Variants in EYA1 observed in about 807,000 individuals in gnomAD.
The protein encoded by EYA1 is EYA transcriptional coactivator and phosphatase 1.
EYA1 carries 16 observed loss-of-function variants against 82.0 expected under a neutral mutation model. The observed-to-expected ratio is 0.20, with a 90% CI of 0.13 to 0.30. EYA1 has a LOEUF of 0.30. Among genes scored for constraint, EYA1 ranks in the 10% least tolerant of loss-of-function variants. The probability of loss-of-function intolerance (pLI) is 1.00; values close to 1 mark genes in which losing one functional copy is unlikely to be tolerated. For synonymous variants in EYA1, 261 were observed against 264.4 expected, an observed-to-expected ratio of 0.99 and a Z score of 0.12; for missense variants, 633 against 730.7, an observed-to-expected ratio of 0.87 and a Z score of 1.54.
chr8:71,361,247 T>C (rs967059214), intron 1 of EYA1, among the ~76,000 whole-genome samples: 5 of 152,242 alleles, frequency 3.3e-5, no homozygotes, highest in African/African-American at 1.2e-4. Flanking sequence ...TGTATTGCAA[T>C]GAACATATAT....
At chr8:71,369,366 G>T (rs1827959984) in intron 2 of EYA1, among the ~76,000 whole-genome samples, 1 of 152,010 alleles carries the variant, frequency 6.6e-6, no homozygotes, top group Non-Finnish European at 1.5e-5. Context: ...TATAGGCAAG[G>T]GTACTACTCA....
chr8:71,469,473 C>T (rs1024326069), intron 2 of EYA1, among the ~76,000 whole-genome samples: 1 of 152,024 alleles, frequency 6.6e-6, no homozygotes, highest in African/African-American at 2.4e-5. Context: ...ATGCATGTGT[C>T]CTGCTTACCA....
intron 2 of EYA1, among the ~76,000 whole-genome samples, chr8:71,516,642 G>A (rs1812998398): frequency 6.6e-6 from 1 of 152,096 alleles, no homozygotes; most frequent in Admixed American, 6.6e-5. Flanking sequence ...GTTGGCCATT[G>A]CCTATAATGT....
chr8:71,225,767 G>A (rs1221343067), intron 12 of EYA1, among the ~76,000 whole-genome samples: 2 of 152,118 alleles, frequency 1.3e-5, no homozygotes, highest in African/African-American at 4.8e-5. Context: ...ATCTATTTTC[G>A]AGAGGTGGCA....
chr8:71,293,416 C>T (rs1208995983), intron 9 of EYA1, among the ~76,000 whole-genome samples: 1 of 152,010 alleles, frequency 6.6e-6, no homozygotes, highest in Non-Finnish European at 1.5e-5. Context: ...GCAGAGGGAA[C>T]ATTTTGTAAT....
chr8:71,511,492 T>G (rs1027315033), intron 2 of EYA1, among the ~76,000 whole-genome samples: 2 of 152,166 alleles, frequency 1.3e-5, no homozygotes, highest in African/African-American at 4.8e-5. Context: ...AGGTTTTTTG[T>G]TTAGTTTTGT....
At chr8:71,302,575 G>GAA in intron 7 of EYA1, among the ~76,000 whole-genome samples, 10 of 101,200 alleles carry the variant, frequency 9.9e-5, no homozygotes, top group African/African-American at 2.9e-4. Flanking sequence ...AGTGGCTTTG[G>GAA]AGACTTAATG....
chr8:71,534,928 T>C (rs1254420986), intron 2 of EYA1, among the ~76,000 whole-genome samples: 1 of 149,630 alleles, frequency 6.7e-6, no homozygotes, highest in Non-Finnish European at 1.5e-5. Context: ...AAAAGAATTC[T>C]ACTGTGAATA....
chr8:71,466,176 A>T (rs997354585), intron 2 of EYA1, among the ~76,000 whole-genome samples: 1 of 152,208 alleles, frequency 6.6e-6, no homozygotes, highest in Non-Finnish European at 1.5e-5. Flanking sequence ...GGCCTCAGAA[A>T]TATGACTAAA....
chr8:71,519,666 C>CA (rs71956106), intron 2 of EYA1, among the ~76,000 whole-genome samples: 3,748 of 126,144 alleles, frequency 0.03, 134 homozygotes, highest in African/African-American at 0.094. Flanking sequence ...TTGAAAATGG[C>CA]AAAAAAAAAA....
chr8:71,411,486 C>G (rs1830584495), intron 2 of EYA1, among the ~76,000 whole-genome samples: 1 of 112,826 alleles, frequency 8.9e-6, no homozygotes, highest in South Asian at 3.0e-4. Context: ...ACTCATCTGA[C>G]AAAGGGCTAA....
chr8:71,453,678 T>A (rs1224475380), intron 2 of EYA1, among the ~76,000 whole-genome samples: 1 of 152,104 alleles, frequency 6.6e-6, no homozygotes, highest in African/African-American at 2.4e-5. Context: ...CTAAGCTTCA[T>A]AAGTGAAGGA....
At chr8:71,265,171 T>G (rs1057170647) in intron 11 of EYA1, among the ~76,000 whole-genome samples, 4 of 152,146 alleles carry the variant, frequency 2.6e-5, no homozygotes, top group Admixed American at 1.3e-4. Context: ...TGTTTTGTTT[T>G]TTTTTGATAG....
chr8:71,343,598 C>T (rs1825394544), intron 3 of EYA1, among the ~76,000 whole-genome samples: 1 of 152,082 alleles, frequency 6.6e-6, no homozygotes, highest in African/African-American at 2.4e-5. Context: ...ATAGAGAGTC[C>T]CCACTAGCAA....
chr8:71,466,019 G>A (rs35836144), intron 2 of EYA1, among the ~76,000 whole-genome samples: 27,698 of 152,062 alleles, frequency 0.18, 2,658 homozygotes, highest in African/African-American at 0.21. Context: ...TGCCCTAGAT[G>A]GGCAACTGAA....
intron 2 of EYA1, among the ~76,000 whole-genome samples, chr8:71,387,731 A>G (rs1829045179): frequency 6.6e-6 from 1 of 152,122 alleles, no homozygotes; most frequent in African/African-American, 2.4e-5. Flanking sequence ...AGATACTCTA[A>G]GTTTGAGGTA....
At chr8:71,264,191 T>C (rs1357372594) in intron 11 of EYA1, among the ~76,000 whole-genome samples, 1 of 152,220 alleles carries the variant, frequency 6.6e-6, no homozygotes, top group Non-Finnish European at 1.5e-5. Flanking sequence ...TCTGGTGCCA[T>C]GCTAAGAGTT....
intron 16 of EYA1, among the ~76,000 whole-genome samples, chr8:71,214,582 A>G (rs1202145943): frequency 6.6e-6 from 1 of 152,228 alleles, no homozygotes; most frequent in Non-Finnish European, 1.5e-5. Context: ...GGACCTTGGA[A>G]TCAGAGAAAC....
chr8:71,438,937 G>C (rs530063145), intron 2 of EYA1, among the ~76,000 whole-genome samples: 4 of 152,056 alleles, frequency 2.6e-5, no homozygotes, highest in African/African-American at 9.7e-5. Flanking sequence ...AAAATCCTGA[G>C]ATAAGAATTG....
Sources: allele counts gnomAD v4.1 joint callset (sites outside exome capture counted in the v4.1 genomes callset), GRCh38; gene constraint gnomAD v4.1.1; transcripts MANE v1.5; gene names NCBI Gene and HGNC (gene_info 2026-07-23, HGNC 2026-07-21).